GLRA3: variants seen among roughly 807,000 people sequenced by gnomAD.
GLRA3 encodes glycine receptor alpha 3.
In GLRA3, 44 loss-of-function variants were observed where a neutral mutation model predicts 60.4. The observed-to-expected ratio is 0.73, with a 90% CI of 0.57 to 0.94. The LOEUF is 0.94. Ranked by LOEUF, GLRA3 falls within the 40% of genes least tolerant of loss-of-function variation. The pLI is 0.00. For synonymous variants in GLRA3, 223 were observed against 192.9 expected, an observed-to-expected ratio of 1.16 and a Z score of -1.29; for missense variants, 508 against 564.6, an observed-to-expected ratio of 0.90 and a Z score of 1.02.
intron 1 of GLRA3, among the ~76,000 whole-genome samples, chr4:174,801,214 G>C (rs1291108200): frequency 6.6e-6 from 1 of 151,976 alleles, no homozygotes; most frequent in Non-Finnish European, 1.5e-5. Context: ...CACTCCATCA[G>C]TAAAATGCTC....
chr4:174,708,812 T>C (rs1735607838), intron 5 of GLRA3, among the ~76,000 whole-genome samples: 1 of 105,952 alleles, frequency 9.4e-6, no homozygotes, highest in African/African-American at 3.7e-5. Flanking sequence ...CCTTCCTGGC[T>C]TTTTTTTTTC....
chr4:174,698,999 CT>C (rs35453287), intron 5 of GLRA3, among the ~76,000 whole-genome samples: 26,797 of 143,568 alleles, frequency 0.19, 2,433 homozygotes, highest in East Asian at 0.33. Flanking sequence ...CTTATAATTA[CT>C]TTTTTTTTTT....
intron 5 of GLRA3, among the ~76,000 whole-genome samples, chr4:174,691,304 CT>C (rs201132601): frequency 0.019 from 2,828 of 152,236 alleles, 42 homozygotes; most frequent in Middle Eastern, 0.071. Context: ...TGATGTTGAA[CT>C]TTTTTTCATA....
intron 3 of GLRA3, among the ~76,000 whole-genome samples, chr4:174,744,702 C>A (rs1247917095): frequency 6.6e-6 from 1 of 152,054 alleles, no homozygotes; most frequent in Non-Finnish European, 1.5e-5. Context: ...ACTATTACAC[C>A]AGTTACATAT....
chr4:174,695,319 AC>A (rs747616170), intron 5 of GLRA3, among the ~76,000 whole-genome samples: 1 of 152,276 alleles, frequency 6.6e-6, no homozygotes, highest in South Asian at 2.1e-4. Flanking sequence ...TCCTTGAAGA[AC>A]ATCGGTGCAA....
At chr4:174,810,739 G>A (rs993794845) in intron 1 of GLRA3, among the ~76,000 whole-genome samples, 1 of 152,040 alleles carries the variant, frequency 6.6e-6, no homozygotes, top group Non-Finnish European at 1.5e-5. Context: ...ATAAATGCAA[G>A]TTTGTGGTTA....
intron 1 of GLRA3, among the ~76,000 whole-genome samples, chr4:174,824,535 T>C (rs1010158576): frequency 6.6e-6 from 1 of 152,230 alleles, no homozygotes; most frequent in African/African-American, 2.4e-5. Flanking sequence ...CTTGTAGTTT[T>C]ATTAATGTAA....
chr4:174,674,696 G>T (rs2110945260), intron 7 of GLRA3, among the ~76,000 whole-genome samples: 1 of 152,240 alleles, frequency 6.6e-6, no homozygotes, highest in East Asian at 1.9e-4. Flanking sequence ...ATGTTTTATA[G>T]TCAATTTTCC....
chr4:174,793,534 C>G (rs531569167), intron 1 of GLRA3, among the ~76,000 whole-genome samples: 2 of 151,720 alleles, frequency 1.3e-5, no homozygotes. Flanking sequence ...CTCCCCGCAA[C>G]GTTGAACTTC....
At chr4:174,700,748 A>T (rs1601504) in intron 5 of GLRA3, among the ~76,000 whole-genome samples, 2,333 of 152,326 alleles carry the variant, frequency 0.015, 61 homozygotes, top group African/African-American at 0.051. Context: ...AAACAACCTT[A>T]TTGAAGATAT....
At chr4:174,644,126 C>T (rs796080466) in intron 9 of GLRA3, 62 bp from the exon 10 acceptor site, 14 of 918,062 alleles carry the variant, frequency 1.5e-5, no homozygotes, top group African/African-American at 9.9e-5. Context: ...TAACAGGCAT[C>T]TCAGAATCAT....
chr4:174,739,045 A>C (rs182050199), intron 3 of GLRA3, among the ~76,000 whole-genome samples: 14 of 152,358 alleles, frequency 9.2e-5, no homozygotes, highest in Non-Finnish European at 1.6e-4. Flanking sequence ...CTGGCTTACA[A>C]AATCATGGCA....
chr4:174,678,031 G>A (rs544043146), intron 6 of GLRA3, among the ~76,000 whole-genome samples: 3 of 152,222 alleles, frequency 2.0e-5, no homozygotes, highest in South Asian at 2.1e-4. Context: ...TTTAAAGTAA[G>A]TGCTAGAGGA....
intron 7 of GLRA3, among the ~76,000 whole-genome samples, chr4:174,674,711 T>C (rs1395355062): frequency 6.6e-6 from 1 of 152,186 alleles, no homozygotes; most frequent in Non-Finnish European, 1.5e-5. Context: ...TTTTCCTGAA[T>C]GTAACTTTGT....
chr4:174,764,233 C>T (rs910923526), intron 3 of GLRA3, among the ~76,000 whole-genome samples: 8 of 146,068 alleles, frequency 5.5e-5, no homozygotes, highest in African/African-American at 2.2e-4. Flanking sequence ...GAAATTTTCC[C>T]AAGGATTAAA....
chr4:174,758,391 A>G (rs1486780055), intron 3 of GLRA3, among the ~76,000 whole-genome samples: 3 of 152,188 alleles, frequency 2.0e-5, no homozygotes, highest in Non-Finnish European at 4.4e-5. Flanking sequence ...CTTCCTTCCA[A>G]AAATCTCATA....
chr4:174,741,483 C>G (rs1165372925), intron 3 of GLRA3, among the ~76,000 whole-genome samples: 1 of 152,058 alleles, frequency 6.6e-6, no homozygotes, highest in East Asian at 1.9e-4. Flanking sequence ...GGATACATAT[C>G]CTTTGCCAGA....
intron 5 of GLRA3, among the ~76,000 whole-genome samples, chr4:174,700,498 G>T (rs879467168): frequency 6.6e-6 from 1 of 152,096 alleles, no homozygotes; most frequent in Non-Finnish European, 1.5e-5. Context: ...CAAATTATTA[G>T]CCAATTAATA....
rs146650349 is a variant in GLRA3, at chr4:174,776,835, C to T, written c.200-9805G>A. On this transcript the variant is annotated intron_variant, in intron 2 of 9. Transcript: ENST00000274093. The stretch of plus-strand genomic sequence containing the variant: ...ACCTGCGTAGCAGCTTGTAACACAA[C>T]GTCCACAACTTCGCATTCAAGGAAA... Among the ~76,000 whole-genome samples the T allele has an allele frequency of 3.1e-3, 479 of 152,202 alleles. 4 individuals carry two copies. The highest frequency in any genetic ancestry group is 0.011 in the African/African-American group (451 of 41,538).
Sources: allele counts gnomAD v4.1 joint callset (sites outside exome capture counted in the v4.1 genomes callset), GRCh38; gene constraint gnomAD v4.1.1; transcripts MANE v1.5; gene names NCBI Gene and HGNC (gene_info 2026-07-23, HGNC 2026-07-21).